The following FIGN variants were observed in gnomAD, a reference collection of about 807,000 sequenced individuals.
The protein encoded by FIGN is fidgetin, microtubule severing factor, also known as fidgetin.
FIGN carries 11 observed loss-of-function variants against 51.3 expected under a neutral mutation model. The ratio of observed to expected loss-of-function variants is 0.21; its 90% CI spans 0.13 to 0.35. The LOEUF is 0.35. Among genes scored for constraint, FIGN ranks in the 10% least tolerant of loss-of-function variants. The pLI, the probability that FIGN is intolerant of heterozygous loss-of-function variation, is 1.00. For missense variants in FIGN, 857 were observed against 943.6 expected, an observed-to-expected ratio of 0.91 and a Z score of 1.20; for synonymous variants, 407 against 363.2, an observed-to-expected ratio of 1.12 and a Z score of -1.37.
Position 163,676,462 on chromosome 2 carries a change from TATATATATATATATATATATAA to T in FIGN, c.25+58419_25+58440del, listed in dbSNP as rs1363789916. Among the ~76,000 whole-genome samples, 95 of 103,216 alleles carry T rather than the reference TATATATATATATATATATATAA, an allele frequency of 9.2e-4. 1 individual carries two copies. In the East Asian group the frequency reaches 0.021, roughly 23 times the overall value. The allele number at this position is 103,216 out of a possible 152,430, so 67.7% of individuals were successfully genotyped here. A position where few individuals can be genotyped will look rare whatever the true frequency, so the allele number is the denominator to read the frequency against. On this transcript the variant is annotated intron_variant, in intron 2 of 2. Transcript: ENST00000333129. Reference sequence around the variant, plus strand: ...ATATATATATATATATATATATATATATATATATATATATATATATAACTAGAGTCTGTGCACCCGAATCTGA... The same window carrying T: ...ATATATATATATATATATATATATATCTAGAGTCTGTGCACCCGAATCTGA...
At chr2:163,704,565 T>TTC (rs1228953428) in intron 2 of FIGN, among the ~76,000 whole-genome samples, 1 of 151,850 alleles carries the variant, frequency 6.6e-6, no homozygotes, top group African/African-American at 2.4e-5. Flanking sequence ...ATACTTAGTA[T>TTC]CTTTTTGCCT....
intron 2 of FIGN, among the ~76,000 whole-genome samples, chr2:163,684,356 A>G (rs1353115163): frequency 6.6e-6 from 1 of 152,250 alleles, no homozygotes; most frequent in Admixed American, 6.5e-5. Context: ...ATATTTGCAT[A>G]GCCTTTTTGC....
intron 2 of FIGN, among the ~76,000 whole-genome samples, chr2:163,618,121 A>G (rs1682908553): frequency 6.6e-6 from 1 of 152,180 alleles, no homozygotes; most frequent in Non-Finnish European, 1.5e-5. Flanking sequence ...CTCTTTAATC[A>G]AAAAGGTGTC....
chr2:163,675,713 T>C (rs998061630), intron 2 of FIGN, among the ~76,000 whole-genome samples: 14 of 142,424 alleles, frequency 9.8e-5, no homozygotes, highest in Non-Finnish European at 1.5e-4. Flanking sequence ...TTTCTTTTTT[T>C]TTTTTTTTTT....
At chr2:163,731,534 C>CA (rs895069389) in intron 2 of FIGN, among the ~76,000 whole-genome samples, 6 of 151,546 alleles carry the variant, frequency 4.0e-5, no homozygotes, top group African/African-American at 1.5e-4. Flanking sequence ...AAAACAAAAA[C>CA]AAAAAATATT....
Position 163,610,151 on chromosome 2 carries a change from C to T in FIGN, c.1681G>A (p.Gly561Arg), listed in dbSNP as rs367860574. The T allele has an allele frequency of 6.2e-6, 10 of 1,613,980 alleles. No individual in the cohort carries two copies. Among genetic ancestry groups the T allele is most frequent in the African/African-American group, 1.3e-5 (1 of 74,918 alleles). Reference protein sequence around the residue: ...AGSGLVAKWLGEAEKIIHASF... With the variant: ...AGSGLVAKWLREAEKIIHASF... ...GCATGGATAATTTTCTCTGCTTCTC[C>T]TAACCACTTGGCGACTAGTCCAGAA... The change falls in exon 3 of 3, where the codon GGA (glycine) becomes AGA (arginine). Residue 561 changes from glycine to arginine, a missense_variant. Physicochemically the swap from Gly to Arg is moderately radical, Grantham distance 125 (BLOSUM62 -2). Around this residue, in one of 3 missense-constraint regions of FIGN, gnomAD observed 799 missense variants for 849.5 expected, o/e 0.94. Coordinates refer to ENST00000333129, the MANE Select transcript of FIGN (RefSeq NM_018086.4).
intron 2 of FIGN, among the ~76,000 whole-genome samples, chr2:163,694,251 G>A (rs1684282937): frequency 6.6e-6 from 1 of 152,176 alleles, no homozygotes; most frequent in African/African-American, 2.4e-5. Flanking sequence ...TTTTACAAAT[G>A]ACAAGGGAGA....
intron 2 of FIGN, among the ~76,000 whole-genome samples, chr2:163,622,872 G>A (rs991582045): frequency 9.2e-5 from 14 of 152,202 alleles, no homozygotes; most frequent in South Asian, 2.1e-4. Flanking sequence ...GCACAGCCAC[G>A]TTTTTGAACT....
intron 2 of FIGN, among the ~76,000 whole-genome samples, chr2:163,618,023 C>G (rs1300093833): frequency 6.6e-6 from 1 of 152,112 alleles, no homozygotes; most frequent in Non-Finnish European, 1.5e-5. Flanking sequence ...CTCAGGACAG[C>G]AACTGTAAAT....
chr2:163,632,746 C>A (rs927797769), intron 2 of FIGN, among the ~76,000 whole-genome samples: 1 of 152,118 alleles, frequency 6.6e-6, no homozygotes, highest in Non-Finnish European at 1.5e-5. Flanking sequence ...GGAGAAAGAA[C>A]TAAAGAGAAA....
chr2:163,727,305 GA>G (rs1195733034), intron 2 of FIGN, among the ~76,000 whole-genome samples: 1 of 151,502 alleles, frequency 6.6e-6, no homozygotes, highest in African/African-American at 2.4e-5. Context: ...AGAATATGGA[GA>G]TAGAACACAG....
intron 2 of FIGN, among the ~76,000 whole-genome samples, chr2:163,662,910 T>G (rs1009649733): frequency 1.3e-5 from 2 of 152,240 alleles, no homozygotes; most frequent in African/African-American, 4.8e-5. Context: ...TTTCTCTTGC[T>G]GCCACCACAT....
chr2:163,647,764 G>A (rs1366122561), intron 2 of FIGN, among the ~76,000 whole-genome samples: 2 of 152,196 alleles, frequency 1.3e-5, no homozygotes, highest in African/African-American at 2.4e-5. Flanking sequence ...TTTTTTGATC[G>A]CTGTCAGCTC....
chr2:163,627,625 C>T (rs769585827), intron 2 of FIGN, among the ~76,000 whole-genome samples: 1 of 152,036 alleles, frequency 6.6e-6, no homozygotes, highest in Non-Finnish European at 1.5e-5. Context: ...TGAATTAGAG[C>T]TTATTAATCC....
intron 2 of FIGN, among the ~76,000 whole-genome samples, chr2:163,667,816 C>T (rs1431368996): frequency 6.6e-6 from 1 of 152,150 alleles, no homozygotes; most frequent in Admixed American, 6.5e-5. Context: ...TGTATGCCTT[C>T]CTCCCTCACA....
chr2:163,702,592 AAAGAAAAAAG>A (rs547696414), intron 2 of FIGN, among the ~76,000 whole-genome samples: 5 of 152,144 alleles, frequency 3.3e-5, no homozygotes, highest in Non-Finnish European at 7.4e-5. Flanking sequence ...CTGAAAGAAA[AAAGAAAAAAG>A]AAGAAAAAAG....
chr2:163,724,565 A>G (rs1684811188), intron 2 of FIGN, among the ~76,000 whole-genome samples: 1 of 152,130 alleles, frequency 6.6e-6, no homozygotes, highest in Admixed American at 6.6e-5. Context: ...AGGAAGTTAT[A>G]GCAAGCATTT....
At chr2:163,701,194 C>A (rs888438878) in intron 2 of FIGN, among the ~76,000 whole-genome samples, 25 of 152,120 alleles carry the variant, frequency 1.6e-4, no homozygotes, top group African/African-American at 5.6e-4. Context: ...TTGACCTGGG[C>A]AATTTCCTTA....
intron 2 of FIGN, among the ~76,000 whole-genome samples, chr2:163,725,788 C>T (rs1684829716): frequency 6.6e-6 from 1 of 151,890 alleles, no homozygotes; most frequent in South Asian, 2.1e-4. Context: ...TATTAAAGAA[C>T]AAAACATAAT....
Sources: gnomAD v4.1 joint callset for allele counts (sites outside exome capture counted in the v4.1 genomes callset) on GRCh38, gnomAD v4.1.1 for gene constraint, gnomAD v4.1.1 regional missense constraint, MANE v1.5 for transcripts, NCBI Gene and HGNC (gene_info 2026-07-23, HGNC 2026-07-21) for gene names.